Variants in MIB1 observed in about 807,000 individuals in gnomAD.
MIB1 encodes E3 ubiquitin-protein ligase MIB1.
Under a neutral mutation model 124.5 loss-of-function variants are expected in MIB1, and 278 were observed. The observed-to-expected ratio is 2.23, with a 90% CI of 2.02 to 2.47. MIB1 has a LOEUF of 2.47. Among genes scored for constraint, MIB1 ranks in the 30% most tolerant of loss-of-function variants. MIB1 has a pLI of 0.00. For synonymous variants in MIB1, 446 were observed against 429.4 expected, an observed-to-expected ratio of 1.04 and a Z score of -0.48; for missense variants, 957 against 1,254.4, an observed-to-expected ratio of 0.76 and a Z score of 3.58.
intron 1 of MIB1, among the ~76,000 whole-genome samples, chr18:21,750,180 A>G (rs769056740): frequency 3.4e-4 from 51 of 152,042 alleles, no homozygotes; most frequent in Admixed American, 6.6e-5. Flanking sequence ...CCCAGGCTGG[A>G]GTGCAATGGC....
At chr18:21,853,345 TACCTTCTATTTCTTTCTCTGTACTAG>T in intron 18 of MIB1, 127 bp downstream of exon 18, 2 of 643,654 alleles carry the variant, frequency 3.1e-6, no homozygotes, top group South Asian at 1.9e-5. Flanking sequence ...GGGCCTCGAG[TACCTTCTATTTCTTTCTCTGTACTAG>T]AACGTCAGCT....
intron 6 of MIB1, among the ~76,000 whole-genome samples, chr18:21,790,212 T>G (rs1456269552): frequency 6.6e-6 from 1 of 152,222 alleles, no homozygotes; most frequent in African/African-American, 2.4e-5. Context: ...CTATTGGAAT[T>G]GTAAACAAAT....
chr18:21,751,215 A>G (rs2040971398), intron 1 of MIB1, among the ~76,000 whole-genome samples: 1 of 152,144 alleles, frequency 6.6e-6, no homozygotes, highest in Non-Finnish European at 1.5e-5. Flanking sequence ...CAGAGGGGAA[A>G]AAAAAAGAAA....
Position 21,864,606 on chromosome 18 carries a change from C to T in MIB1, c.2961C>T (p.Asp987=), listed in dbSNP as rs2042306139. 1 of 1,613,272 alleles carries T rather than the reference C, an allele frequency of 6.2e-7. No individual in the cohort carries two copies. Among genetic ancestry groups the T allele is most frequent in the South Asian group, 1.1e-5 (1 of 91,068 alleles). ...ACGGAACCTGTCAACTCTGTGGAGA[C>T]CGCATGAGTGAATGTCCTATCTGTC... ...CGHGTCQLCG[D]RMSECPICRK... The change falls in exon 21 of 21, where the codon GAC becomes GAT. Residue 987 remains aspartate, a synonymous_variant. Coordinates refer to ENST00000261537, the MANE Select transcript of MIB1 (RefSeq NM_020774.4).
rs754323232 is a variant in MIB1, at chr18:21,853,121, G to A, written c.2587-19G>A. 1.9e-6 allele frequency: 3 copies of A among 1,568,130 alleles called. No homozygotes were observed. Among genetic ancestry groups the A allele is most frequent in the South Asian group, 2.2e-5 (2 of 89,912 alleles). On this transcript the variant is annotated intron_variant, in intron 17 of 20. Transcript: ENST00000261537. ...TTTATCTGTAAATGGTCACTGTGCT[G>A]TAACCTCTTTTTCTATAGATTGAAG...
chr18:21,788,445 A>T (rs1178049706), intron 6 of MIB1, among the ~76,000 whole-genome samples: 1 of 152,212 alleles, frequency 6.6e-6, no homozygotes, highest in Non-Finnish European at 1.5e-5. Flanking sequence ...CACTAAACAA[A>T]CTGGGACCAG....
chr18:21,854,620 T>A (rs868325041), intron 18 of MIB1: 58 of 162,104 alleles, frequency 3.6e-4, no homozygotes, highest in African/African-American at 1.1e-3. Context: ...TTTTTTTTTT[T>A]AATTAAAAAA....
chr18:21,756,698 A>G (rs2041036212), intron 1 of MIB1, among the ~76,000 whole-genome samples: 2 of 152,154 alleles, frequency 1.3e-5, no homozygotes, highest in Non-Finnish European at 2.9e-5. Flanking sequence ...TCCTGATCTT[A>G]GGTGATCTGC....
chr18:21,866,868 C>T lies in MIB1; in HGVS notation c.*2202C>T, dbSNP rs78113435. ...CATGAATAGAAAATACTTCTTTATT[C>T]ATGTTTTCAATCACTTAGAATTATT... On this transcript the variant is annotated 3_prime_UTR_variant, in exon 21 of 21. Coordinates refer to ENST00000261537, the MANE Select transcript of MIB1 (RefSeq NM_020774.4). 4.6e-5 allele frequency: 7 copies of T among 152,540 alleles called. No individual in the cohort carries two copies. The East Asian group carries it at 1.3e-3, about 29-fold the overall frequency. 9.4% of individuals were successfully genotyped at this position (152,540 alleles called of 1,614,324 possible).
chr18:21,759,311 C>T (rs149408632), intron 1 of MIB1, among the ~76,000 whole-genome samples: 9,397 of 151,750 alleles, frequency 0.062, 314 homozygotes, highest in Middle Eastern at 0.13. Context: ...GGCGTGATCT[C>T]GGCTCACGGC....
chr18:21,748,347 T>C (rs1049135436), intron 1 of MIB1, among the ~76,000 whole-genome samples: 8 of 148,060 alleles, frequency 5.4e-5, no homozygotes, highest in African/African-American at 1.2e-4. Context: ...TTGCTTTTCT[T>C]CCTCTCTCCC....
At chr18:21,778,236 T>C in intron 5 of MIB1, 67 bp downstream of exon 5, 1 of 1,135,614 alleles carries the variant, frequency 8.8e-7, no homozygotes, top group Non-Finnish European at 1.3e-6. Context: ...GTAAAATGCT[T>C]AAATTGGATG....
chr18:21,790,383 T>A (rs1598612299), intron 6 of MIB1, among the ~76,000 whole-genome samples: 1 of 152,240 alleles, frequency 6.6e-6, no homozygotes, highest in East Asian at 1.9e-4. Context: ...GTTAAGTACA[T>A]TAGTGTATAT....
chr18:21,859,189 T>G (rs2042252785), intron 20 of MIB1, among the ~76,000 whole-genome samples: 1 of 151,660 alleles, frequency 6.6e-6, no homozygotes, highest in Non-Finnish European at 1.5e-5. Flanking sequence ...GTAGGAGGAT[T>G]TCTTGAGCCC....
At position 21,823,186 on chromosome 18, in the gene MIB1, A is replaced by T. The variant is rs1017439351; in HGVS notation, c.1829+3540A>T. Among the ~76,000 whole-genome samples the T allele has an allele frequency of 7.3e-5, 11 of 150,836 alleles. No homozygotes were observed. In the South Asian group the frequency reaches 1.0e-3, roughly 14 times the overall value. On this transcript the variant is annotated intron_variant, in intron 12 of 20. Coordinates refer to ENST00000261537, the MANE Select transcript of MIB1 (RefSeq NM_020774.4). The stretch of plus-strand genomic sequence containing the variant: ...GAAGCAGAGGTTGTAGTGAGCTGAG[A>T]TTGCACCACTGCACTCTAGTCTGGG...
At position 21,865,875 on chromosome 18, in the gene MIB1, G is replaced by C. The variant is rs1473330338; in HGVS notation, c.*1209G>C. ...ACTTTAGAAAGAGTGACCAGGACAT[G>C]TATAGAAATGTCTGCTTACCTGTAG... On this transcript the variant is annotated 3_prime_UTR_variant, in exon 21 of 21. Transcript: ENST00000261537. 1 of 151,902 alleles carries C rather than the reference G, an allele frequency of 6.6e-6. No homozygotes were observed. The highest frequency in any genetic ancestry group is 6.6e-5 in the Admixed American group (1 of 15,244). 9.4% of individuals were successfully genotyped at this position (151,902 alleles called of 1,614,324 possible).
At chr18:21,777,286 GTGCA>G (rs2041300716) in intron 4 of MIB1, among the ~76,000 whole-genome samples, 1 of 151,840 alleles carries the variant, frequency 6.6e-6, no homozygotes, top group African/African-American at 2.4e-5. Context: ...AGGCGTGGTG[GTGCA>G]TGCCTGTAAT....
intron 1 of MIB1, among the ~76,000 whole-genome samples, chr18:21,743,766 G>C (rs1402245552): frequency 6.6e-6 from 1 of 152,178 alleles, no homozygotes; most frequent in Middle Eastern, 3.2e-3. Flanking sequence ...GTAGCTTTAT[G>C]AGGAAATTTA....
At chr18:21,721,173 T>TTG (rs2033220220) in intron 1 of MIB1, among the ~76,000 whole-genome samples, 1 of 104,160 alleles carries the variant, frequency 9.6e-6, no homozygotes, top group East Asian at 3.1e-4. Flanking sequence ...TTTTTTTTTT[T>TTG]TTTTTTTTTT....
Sources: allele counts gnomAD v4.1 joint callset (sites outside exome capture counted in the v4.1 genomes callset), GRCh38; gene constraint gnomAD v4.1.1; transcripts MANE v1.5; gene names NCBI Gene and HGNC (gene_info 2026-07-23, HGNC 2026-07-21).